LMF1: variants seen among roughly 807,000 people sequenced by gnomAD.
LMF1 encodes lipase maturation factor 1, also known as transmembrane protein 112.
Under a neutral mutation model 60.6 loss-of-function variants are expected in LMF1, and 68 were observed. The observed-to-expected ratio is 1.12, with a 90% CI of 0.92 to 1.37. LMF1 has a LOEUF of 1.37. Ranked by LOEUF, LMF1 falls within the 40% of genes most tolerant of loss-of-function variation. The pLI is 0.00. For synonymous variants in LMF1, 418 were observed against 324.7 expected, an observed-to-expected ratio of 1.29 and a Z score of -3.09; for missense variants, 948 against 767.2, an observed-to-expected ratio of 1.24 and a Z score of -2.78.
chr16:974,544 C>T (rs12448761), upstream of LMF1, among the ~76,000 whole-genome samples: 3,032 of 152,178 alleles, frequency 0.02, 47 homozygotes, highest in South Asian at 0.1. Flanking sequence ...GAGGAAGGGA[C>T]GGACACCCCA....
chr16:909,968 A>T (rs1263637059), intron 4 of LMF1, among the ~76,000 whole-genome samples: 1 of 152,206 alleles, frequency 6.6e-6, no homozygotes, highest in East Asian at 1.9e-4. Context: ...TCTTCAGCGA[A>T]TCCTCCACGA....
intron 1 of LMF1, among the ~76,000 whole-genome samples, chr16:978,569 C>A (rs1460630295): frequency 6.6e-6 from 1 of 152,220 alleles, no homozygotes; most frequent in South Asian, 2.1e-4. Flanking sequence ...CAGCTCTCCA[C>A]GCCCGGCACT....
At chr16:924,277 A>C (rs2071530421) in intron 3 of LMF1, among the ~76,000 whole-genome samples, 1 of 152,212 alleles carries the variant, frequency 6.6e-6, no homozygotes, top group Non-Finnish European at 1.5e-5. Context: ...AGACAGACAA[A>C]TACCAGAGTT....
chr16:977,057 G>C (rs1416067491), intron 1 of LMF1: 8 of 454,038 alleles, frequency 1.8e-5, no homozygotes, highest in Non-Finnish European at 3.5e-5. Flanking sequence ...CTGCAGCAGG[G>C]CCAGCTCTGG....
chr16:947,557 G>A (rs1452449990), intron 2 of LMF1: 2 of 456,116 alleles, frequency 4.4e-6, no homozygotes, highest in East Asian at 6.9e-5. Context: ...TCCTGCCCAG[G>A]AAGGAAGCTC....
At chr16:931,908 C>G in intron 3 of LMF1, 1 of 852,234 alleles carries the variant, frequency 1.2e-6, no homozygotes, top group Non-Finnish European at 1.6e-6. Context: ...CACCTGCTAC[C>G]GAAGAATCAG....
intron 3 of LMF1, among the ~76,000 whole-genome samples, chr16:927,000 C>T (rs761473208): frequency 3.9e-5 from 6 of 152,306 alleles, no homozygotes; most frequent in Admixed American, 2.6e-4. Context: ...AGAAACACCC[C>T]GAGACCCCAG....
intron 1 of LMF1, among the ~76,000 whole-genome samples, chr16:967,808 C>T (rs1369034416): frequency 2.0e-5 from 3 of 152,332 alleles, no homozygotes; most frequent in African/African-American, 4.8e-5. Context: ...TACGGACAAT[C>T]GCTGCACAGC....
At chr16:947,908 A>G (rs972226615) in intron 2 of LMF1, among the ~76,000 whole-genome samples, 3 of 151,658 alleles carry the variant, frequency 2.0e-5, no homozygotes, top group Non-Finnish European at 2.9e-5. Flanking sequence ...TGACAGAGTC[A>G]GCCAACGACA....
At chr16:888,082 G>A (rs1596911275) in intron 5 of LMF1, among the ~76,000 whole-genome samples, 2 of 152,218 alleles carry the variant, frequency 1.3e-5, no homozygotes, top group South Asian at 4.1e-4. Flanking sequence ...AGCATCCTTC[G>A]GCGGACGGAA....
At chr16:880,713 G>C (rs1596891188) in intron 5 of LMF1, among the ~76,000 whole-genome samples, 1 of 152,374 alleles carries the variant, frequency 6.6e-6, no homozygotes, top group East Asian at 1.9e-4. Context: ...GTGCAGACTT[G>C]TCTGGAGTGA....
chr16:876,778 G>A (rs1341872180), intron 6 of LMF1, among the ~76,000 whole-genome samples: 1 of 152,068 alleles, frequency 6.6e-6, no homozygotes, highest in African/African-American at 2.4e-5. Flanking sequence ...TGCCCAAACT[G>A]AGACCTTCAG....
At chr16:960,624 C>G (rs2072810455) in intron 1 of LMF1, among the ~76,000 whole-genome samples, 1 of 30,714 alleles carries the variant, frequency 3.3e-5, no homozygotes, top group Non-Finnish European at 7.2e-5. Context: ...GGGATCACGA[C>G]CCAGACAGAC....
In LMF1 at chr16:853,890, A is replaced by T. The variant is rs1193008193; in HGVS notation, c.*642T>A. On this transcript the variant is annotated 3_prime_UTR_variant, in exon 11 of 11. Transcript: ENST00000262301. The stretch of plus-strand genomic sequence containing the variant: ...CAGACACCAGTCATGGGGGGATGAA[A>T]CCGGGCCAAGAACACATGTGTGCAC... 2.2e-6 allele frequency: 1 copy of T among 454,062 alleles called. No homozygotes were observed. Among genetic ancestry groups the T allele is most frequent in the Non-Finnish European group, 4.4e-6 (1 of 226,786 alleles). 28.1% of individuals were successfully genotyped at this position (454,062 alleles called of 1,614,324 possible).
At chr16:977,990 ACG>A (rs1491473462) in intron 1 of LMF1, among the ~76,000 whole-genome samples, 81 of 123,512 alleles carry the variant, frequency 6.6e-4, no homozygotes, top group Admixed American at 8.9e-4. Flanking sequence ...ACACACATAC[ACG>A]CACACACACA....
chr16:877,793 C>A lies in LMF1; in HGVS notation c.897+1777G>T, dbSNP rs75523905. Among the ~76,000 whole-genome samples the A allele has an allele frequency of 6.6e-3, 998 of 152,144 alleles. 12 individuals carry two copies. Among genetic ancestry groups the A allele is most frequent in the African/African-American group, 0.022 (930 of 41,428 alleles). ...ACCGGCAGAATCCCTAGATCACCCA[C>A]AGGACGCGTCTCTGAGGGACCCGCA... is the stretch of plus-strand genomic sequence containing the variant. On this transcript the variant is annotated intron_variant, in intron 6 of 10. Transcript: ENST00000262301.
At position 954,277 on chromosome 16, in the gene LMF1, C is replaced by G. The variant is rs775638565; in HGVS notation, c.503+80G>C. 31 of 1,380,794 alleles carry G rather than the reference C, an allele frequency of 2.2e-5. No individual in the cohort carries two copies. The African/African-American group carries it at 4.5e-4, about 20-fold the overall frequency. 85.5% of individuals were successfully genotyped at this position (1,380,794 alleles called of 1,614,324 possible). A position where few individuals can be genotyped will look rare whatever the true frequency, so the allele number is the denominator to read the frequency against. On this transcript the variant is annotated intron_variant, in intron 2 of 10. Transcript: ENST00000262301. ...TAAGATAAACGCTCGTCCAGTCTTT[C>G]CAAGTGCCAGGACACCTGCAGTGCC...
At position 954,280 on chromosome 16, in the gene LMF1, A is replaced by C. The variant is rs575116060; in HGVS notation, c.503+77T>G. ...GATAAACGCTCGTCCAGTCTTTCCAAGTGCCAGGACACCTGCAGTGCCTGT... is the reference window on the plus strand; with the variant it reads ...GATAAACGCTCGTCCAGTCTTTCCACGTGCCAGGACACCTGCAGTGCCTGT... On this transcript the variant is annotated intron_variant, in intron 2 of 10. Transcript: ENST00000262301. 19 of 1,402,070 alleles carry C rather than the reference A, an allele frequency of 1.4e-5. No individual in the cohort carries two copies. The South Asian group carries it at 2.1e-4, about 15-fold the overall frequency. 86.9% of individuals were successfully genotyped at this position (1,402,070 alleles called of 1,614,324 possible). A position where few individuals can be genotyped will look rare whatever the true frequency, so the allele number is the denominator to read the frequency against.
chr16:879,735 G>T lies in LMF1; in HGVS notation c.732C>A (p.Thr244=). 6.3e-7 allele frequency: 1 copy of T among 1,582,080 alleles called. No homozygotes were observed. The highest frequency in any genetic ancestry group is 8.6e-7 in the Non-Finnish European group (1 of 1,164,582). ...DLTCMDFHYE[T]QPMPNPVAYY... ...ACGCCACAGGATTGGGCATCGGCTGGGTCTGCAGGGACAGGAGGGGCCGTG... is the reference window on the plus strand; with the variant it reads ...ACGCCACAGGATTGGGCATCGGCTGTGTCTGCAGGGACAGGAGGGGCCGTG... Residue 244 remains threonine, a splice_region_variant and synonymous_variant, in exon 6 of 11, where the codon ACC becomes ACA. Coordinates refer to ENST00000262301, the MANE Select transcript of LMF1 (RefSeq NM_022773.4).
Sources: gnomAD v4.1 joint callset for allele counts (sites outside exome capture counted in the v4.1 genomes callset) on GRCh38, gnomAD v4.1.1 for gene constraint, MANE v1.5 for transcripts, NCBI Gene and HGNC (gene_info 2026-07-23, HGNC 2026-07-21) for gene names.